CAPZB: variants seen among roughly 807,000 people sequenced by gnomAD.
CAPZB encodes the protein F-actin-capping protein subunit beta.
A neutral mutation model predicts 38.1 loss-of-function variants in CAPZB; 2 were observed. The observed-to-expected ratio is 0.05, with a 90% CI of 0.02 to 0.17. CAPZB has a LOEUF of 0.17. Ranked by LOEUF, CAPZB falls within the 10% of genes least tolerant of loss-of-function variation. CAPZB has a pLI of 1.00. For missense variants in CAPZB, 161 were observed against 334.2 expected, an observed-to-expected ratio of 0.48 and a Z score of 4.04; for synonymous variants, 107 against 127.4, an observed-to-expected ratio of 0.84 and a Z score of 1.08.
intron 1 of CAPZB, among the ~76,000 whole-genome samples, chr1:19,441,451 G>A (rs2094476150): frequency 6.6e-6 from 1 of 152,156 alleles, no homozygotes; most frequent in Non-Finnish European, 1.5e-5. Flanking sequence ...GGAAGAAAGA[G>A]AAAACCTTGT....
intron 2 of CAPZB, among the ~76,000 whole-genome samples, chr1:19,400,818 T>C (rs2094299494): frequency 6.6e-6 from 1 of 152,176 alleles, no homozygotes; most frequent in Non-Finnish European, 1.5e-5. Context: ...TGCACTTCAC[T>C]TGAATTATGC....
chr1:19,460,181 T>G (rs1222162404), intron 1 of CAPZB, among the ~76,000 whole-genome samples: 1 of 152,212 alleles, frequency 6.6e-6, no homozygotes, highest in African/African-American at 2.4e-5. Context: ...CACCTCAAAC[T>G]GCAAAAGTTA....
At chr1:19,381,730 T>A (rs2100440812) in intron 3 of CAPZB, among the ~76,000 whole-genome samples, 1 of 141,430 alleles carries the variant, frequency 7.1e-6, no homozygotes, top group Non-Finnish European at 1.5e-5. Context: ...TCTCACTCTG[T>A]TGCCCAGGTT....
chr1:19,464,223 G>A (rs1275615545), intron 1 of CAPZB, among the ~76,000 whole-genome samples: 2 of 148,598 alleles, frequency 1.3e-5, no homozygotes, highest in African/African-American at 2.5e-5. Flanking sequence ...AAAGAGAGGA[G>A]CAAAGGAGGA....
chr1:19,406,491 T>C (rs1450148181), intron 2 of CAPZB, among the ~76,000 whole-genome samples: 7 of 152,138 alleles, frequency 4.6e-5, no homozygotes, highest in African/African-American at 1.7e-4. Context: ...GTGCTAAGAA[T>C]TGTGAAGACA....
chr1:19,369,398 C>A (rs1232789974), intron 4 of CAPZB, among the ~76,000 whole-genome samples: 2 of 152,270 alleles, frequency 1.3e-5, no homozygotes, highest in Non-Finnish European at 2.9e-5. Context: ...ACCTTTCTCT[C>A]TGCTCTGTGA....
chr1:19,392,148 A>T (rs1316657254), intron 2 of CAPZB, among the ~76,000 whole-genome samples: 1 of 151,544 alleles, frequency 6.6e-6, no homozygotes, highest in East Asian at 1.9e-4. Flanking sequence ...GTGTCACTGC[A>T]CTGTAGCCTG....
intron 3 of CAPZB, among the ~76,000 whole-genome samples, chr1:19,382,396 A>C (rs1296243107): frequency 6.6e-6 from 1 of 152,176 alleles, no homozygotes; most frequent in Non-Finnish European, 1.5e-5. Context: ...CAGGACTTTC[A>C]TTTCCCTCCG....
intron 6 of CAPZB, among the ~76,000 whole-genome samples, chr1:19,346,639 A>T (rs550845324): frequency 6.6e-6 from 1 of 151,816 alleles, no homozygotes. Flanking sequence ...ACATCTCCTC[A>T]TCAGGGAGAC....
chr1:19,362,927 G>A (rs2094061576), intron 4 of CAPZB, among the ~76,000 whole-genome samples: 1 of 152,090 alleles, frequency 6.6e-6, no homozygotes, highest in South Asian at 2.1e-4. Context: ...GATGAGGAGG[G>A]GGTGAAATGA....
At position 19,343,569 on chromosome 1, in the gene CAPZB, T is replaced by C. The variant is rs558679572; in HGVS notation, c.731+789A>G. On this transcript the variant is annotated intron_variant, in intron 8 of 8. Transcript: ENST00000264202. ...CCTCTGCGAGGAGTGCCAGAGGCCA[T>C]GCAGCTCGGGATGACAGAGCTTAGG... 2.0e-5 allele frequency among the ~76,000 whole-genome samples: 3 copies of C among 152,296 alleles called. No homozygotes were observed. In the South Asian group the frequency reaches 6.2e-4, roughly 32 times the overall value.
At chr1:19,353,666 C>A (rs1433599237) in intron 6 of CAPZB, among the ~76,000 whole-genome samples, 1 of 152,214 alleles carries the variant, frequency 6.6e-6, no homozygotes, top group Middle Eastern at 3.2e-3. Flanking sequence ...GCAGAGCCAC[C>A]TTCTGAAAAC....
chr1:19,459,183 AATTTTACTCAAC>A (rs2094542588), intron 1 of CAPZB, among the ~76,000 whole-genome samples: 1 of 152,222 alleles, frequency 6.6e-6, no homozygotes, highest in Non-Finnish European at 1.5e-5. Flanking sequence ...GGACAAGGCT[AATTTTACTCAAC>A]AAAGTAAAAA....
intron 1 of CAPZB, among the ~76,000 whole-genome samples, chr1:19,470,782 T>C (rs1357500651): frequency 2.0e-5 from 3 of 152,214 alleles, no homozygotes; most frequent in Non-Finnish European, 4.4e-5. Flanking sequence ...TCTAAATCTG[T>C]ATCATTCTGA....
At chr1:19,406,568 G>T (rs1432874236) in intron 2 of CAPZB, among the ~76,000 whole-genome samples, 7 of 152,184 alleles carry the variant, frequency 4.6e-5, no homozygotes, top group Admixed American at 4.6e-4. Context: ...TCCTGGGGCA[G>T]CTTTGGGCAC....
chr1:19,383,554 A>G (rs1294975120), intron 3 of CAPZB, among the ~76,000 whole-genome samples: 1 of 152,122 alleles, frequency 6.6e-6, no homozygotes, highest in African/African-American at 2.4e-5. Context: ...ACAGAGCAAG[A>G]TGCTCCCAAG....
At chr1:19,481,051 T>C (rs1438317004) in intron 1 of CAPZB, among the ~76,000 whole-genome samples, 1 of 152,222 alleles carries the variant, frequency 6.6e-6, no homozygotes, top group Non-Finnish European at 1.5e-5. Flanking sequence ...CATTACGACC[T>C]TATGCAGAGG....
intron 1 of CAPZB, among the ~76,000 whole-genome samples, chr1:19,444,779 G>A (rs531777730): frequency 3.3e-5 from 5 of 152,276 alleles, no homozygotes; most frequent in African/African-American, 1.2e-4. Context: ...ATCTCACTCT[G>A]TTGCCCAGGC....
At chr1:19,394,693 G>A (rs1299012469) in intron 2 of CAPZB, among the ~76,000 whole-genome samples, 1 of 152,148 alleles carries the variant, frequency 6.6e-6, no homozygotes, top group Non-Finnish European at 1.5e-5. Flanking sequence ...TTCAGCCTGG[G>A]TGACAGAGCA....
Sources: gnomAD v4.1 joint callset for allele counts (sites outside exome capture counted in the v4.1 genomes callset) on GRCh38, gnomAD v4.1.1 for gene constraint, MANE v1.5 for transcripts, NCBI Gene and HGNC (gene_info 2026-07-23, HGNC 2026-07-21) for gene names.